Variants in MYO16 observed in about 807,000 individuals in gnomAD.
MYO16 encodes the protein myosin XVI, also known as unconventional myosin-XVI.
A neutral mutation model predicts 205.3 loss-of-function variants in MYO16; 94 were observed. The observed-to-expected ratio is 0.46, with a 90% confidence interval of 0.39 to 0.54. MYO16 has a LOEUF of 0.54. Ranked by LOEUF, MYO16 falls within the 20% of genes least tolerant of loss-of-function variation. MYO16 has a pLI of 0.00. For missense variants in MYO16, 2,315 were observed against 2,387.5 expected (o/e 0.97, Z 0.63); for synonymous variants, 988 against 954.0 (o/e 1.04, Z -0.66).
At chr13:108,533,071 TTTC>T in the MYO16 span, among the ~76,000 whole-genome samples, 1 of 152,152 alleles carries the variant, frequency 6.6e-6, no homozygotes, top group Non-Finnish European at 1.5e-5. Flanking sequence ...TCTGTTTTCC[TTTC>T]AAATTATGAA....
At chr13:108,500,521 C>T in the MYO16 span, among the ~76,000 whole-genome samples, 1 of 152,048 alleles carries the variant, frequency 6.6e-6, no homozygotes, top group African/African-American at 2.4e-5. Flanking sequence ...AGCCACCACG[C>T]CCGGACTTGA....
At chr13:108,949,388 T>G (rs1047119526) in intron 16 of MYO16, among the ~76,000 whole-genome samples, 1 of 152,184 alleles carries the variant, frequency 6.6e-6, no homozygotes, top group Non-Finnish European at 1.5e-5. Context: ...ATATTAATCA[T>G]TATGTATTAA....
intron 1 of MYO16, among the ~76,000 whole-genome samples, chr13:108,598,007 C>G (rs745834672): frequency 1.3e-5 from 2 of 152,180 alleles, no homozygotes; most frequent in Non-Finnish European, 2.9e-5. Context: ...AGTAGTCCAC[C>G]ATTCCCTATC....
In MYO16 at chr13:109,140,122, A is replaced by G; in HGVS notation, c.4052-142A>G. On this transcript the variant is annotated intron_variant, in intron 31 of 34. Transcript: ENST00000457511. The surrounding 1 kb of genome is among the most constrained non-coding windows in gnomAD (Gnocchi z 8.0). Reference sequence around the variant, plus strand: ...GAGTTCGGGTTCAGCCAGGGAGCCTAGTGGGTGGAGGAACATGCAGGCCCG... The same window carrying G: ...GAGTTCGGGTTCAGCCAGGGAGCCTGGTGGGTGGAGGAACATGCAGGCCCG... The G allele has an allele frequency of 7.2e-7, 1 of 1,396,780 alleles. No homozygotes were observed. Among genetic ancestry groups the G allele is most frequent in the Non-Finnish European group, 9.3e-7 (1 of 1,070,900 alleles). The allele number at this position is 1,396,780 out of a possible 1,614,324, so 86.5% of individuals were successfully genotyped here.
At chr13:108,828,684 C>T (rs1399617294) in intron 9 of MYO16, among the ~76,000 whole-genome samples, 8 of 152,072 alleles carry the variant, frequency 5.3e-5, no homozygotes, top group Non-Finnish European at 7.3e-5. Context: ...TGATTAAAAC[C>T]AGCCCAACCT....
intron 4 of MYO16, among the ~76,000 whole-genome samples, chr13:108,730,627 G>T (rs549315494): frequency 7.2e-5 from 11 of 152,270 alleles, no homozygotes; most frequent in Admixed American, 4.6e-4. Context: ...ATGACTCCTT[G>T]TGTAACTGAG....
chr13:108,727,726 G>T, intron 4 of MYO16, 143 bp downstream of exon 4: 1 of 892,456 alleles, frequency 1.1e-6, no homozygotes. Flanking sequence ...TAGAACACAA[G>T]ATAATTAGAG....
intron 23 of MYO16, among the ~76,000 whole-genome samples, chr13:109,023,019 ATG>A (rs1285022544): frequency 1.5e-5 from 2 of 134,782 alleles, no homozygotes; most frequent in African/African-American, 5.4e-5. Flanking sequence ...ATGTAAATGT[ATG>A]TATATATTTA....
At chr13:108,996,793 G>C (rs186933722) in intron 21 of MYO16, among the ~76,000 whole-genome samples, 24 of 152,150 alleles carry the variant, frequency 1.6e-4, no homozygotes, top group Non-Finnish European at 5.9e-5. Flanking sequence ...GATTATATAA[G>C]TGTTACTATA....
chr13:108,820,303 G>A, intron 7 of MYO16, 34 bp from the exon 8 acceptor site: 1 of 1,485,988 alleles, frequency 6.7e-7, no homozygotes, highest in Non-Finnish European at 9.2e-7. Context: ...TTCTGCCATG[G>A]TGGTTCCCAT....
chr13:109,019,309 T>A (rs1885941207), intron 22 of MYO16, among the ~76,000 whole-genome samples: 1 of 152,192 alleles, frequency 6.6e-6, no homozygotes, highest in South Asian at 2.1e-4. Context: ...AACATCACGA[T>A]AAGCTTTATT....
intron 7 of MYO16, among the ~76,000 whole-genome samples, chr13:108,816,919 A>G (rs1363953523): frequency 1.3e-5 from 2 of 152,224 alleles, no homozygotes; most frequent in Non-Finnish European, 2.9e-5. Context: ...ACAAGAAATT[A>G]TTGAGTAGAC....
intron 31 of MYO16, among the ~76,000 whole-genome samples, chr13:109,133,230 C>T (rs1315095786): frequency 6.6e-6 from 1 of 152,194 alleles, no homozygotes; most frequent in Non-Finnish European, 1.5e-5. Flanking sequence ...AATTAAGCAT[C>T]TTTTTTGTCC....
the MYO16 span, among the ~76,000 whole-genome samples, chr13:108,586,838 C>T: frequency 3.8e-4 from 58 of 152,302 alleles, no homozygotes; most frequent in African/African-American, 1.3e-3. Context: ...TCTATAAGGA[C>T]CCTTTATACC....
chr13:108,823,108 T>G lies in MYO16; in HGVS notation c.944-17T>G. On this transcript the variant is annotated splice_polypyrimidine_tract_variant and intron_variant, in intron 8 of 34. Transcript: ENST00000457511. ...CCACCCATCATTTTTCTGATTTTTCTTATTTTTTTCTTGTAGATATTGCTG... is the reference window on the plus strand; with the variant it reads ...CCACCCATCATTTTTCTGATTTTTCGTATTTTTTTCTTGTAGATATTGCTG... 3 of 1,600,958 alleles carry G rather than the reference T, an allele frequency of 1.9e-6. No homozygotes were observed. The highest frequency in any genetic ancestry group is 1.7e-6 in the Non-Finnish European group (2 of 1,177,134).
the MYO16 span, among the ~76,000 whole-genome samples, chr13:108,581,850 G>A: frequency 1.4e-5 from 2 of 146,516 alleles, no homozygotes; most frequent in East Asian, 2.0e-4. Flanking sequence ...TTGCACTCCA[G>A]CCTGGGCAAC....
At chr13:108,978,445 A>G (rs1884345870) in intron 20 of MYO16, among the ~76,000 whole-genome samples, 1 of 152,060 alleles carries the variant, frequency 6.6e-6, no homozygotes, top group Admixed American at 6.6e-5. Context: ...GATGGATACA[A>G]ATATTTTCTA....
chr13:109,152,704 G>A (rs1265872639), intron 32 of MYO16, among the ~76,000 whole-genome samples: 1 of 152,132 alleles, frequency 6.6e-6, no homozygotes, highest in Non-Finnish European at 1.5e-5. Context: ...AGAAACAAAC[G>A]TTCCTTTTAT....
In MYO16 at chr13:109,140,843, T is replaced by C; in HGVS notation, c.4631T>C (p.Leu1544Pro). The change falls in exon 32 of 35, where the codon CTG becomes CCG. Residue 1544 changes from leucine to proline, a missense_variant. Physicochemically the swap from Leu to Pro is moderately conservative, Grantham distance 98. This residue lies in a region of MYO16 where 1,097 missense variants were observed against 1,092.0 expected (regional missense o/e 1.00). Transcript: ENST00000457511. The surrounding 1 kb of genome is among the most constrained non-coding windows in gnomAD (Gnocchi z 8.0). The part of the protein sequence containing the change: ...TPLEVKKLPV[L>P]ETNLKYPVQP... The stretch of plus-strand genomic sequence containing the variant: ...CTGGAGGTGAAGAAGCTGCCAGTCC[T>C]GGAGACCAACCTCAAGTACCCCGTG... The C allele has an allele frequency of 6.3e-7, 1 of 1,595,950 alleles. No individual in the cohort carries two copies. Among genetic ancestry groups the C allele is most frequent in the Non-Finnish European group, 8.5e-7 (1 of 1,173,136 alleles).
Sources: allele counts gnomAD v4.1 joint callset (sites outside exome capture counted in the v4.1 genomes callset), GRCh38; gene constraint gnomAD v4.1.1; regional missense constraint gnomAD v4.1.1; non-coding constraint Gnocchi (gnomAD v3.1); transcripts MANE v1.5; gene names NCBI Gene and HGNC (gene_info 2026-07-23, HGNC 2026-07-21).